Variants in AKAP13 observed in about 807,000 individuals in gnomAD.
AKAP13 encodes the protein A-kinase anchoring protein 13, also known as A-kinase anchor protein 13.
Under a neutral mutation model 264.5 loss-of-function variants are expected in AKAP13, and 80 were observed. The ratio of observed to expected loss-of-function variants is 0.30; its 90% CI spans 0.25 to 0.36. The LOEUF (loss-of-function observed/expected upper bound fraction) is 0.36, where lower values mean the gene tolerates loss of function less well. Ranked by LOEUF, AKAP13 falls within the 10% of genes least tolerant of loss-of-function variation. AKAP13 has a pLI of 1.00. For missense variants in AKAP13, 3,712 were observed against 3,435.2 expected (o/e 1.08, Z -2.01); for synonymous variants, 1,380 against 1,250.2 (o/e 1.10, Z -2.19).
At chr15:85,723,590 C>T (rs780412892) in intron 26 of AKAP13, among the ~76,000 whole-genome samples, 1 of 152,034 alleles carries the variant, frequency 6.6e-6, no homozygotes, top group African/African-American at 2.4e-5. Context: ...CAAAGCAAAG[C>T]GTAAGATTGG....
At chr15:85,446,491 C>A (rs936069923) in intron 1 of AKAP13, among the ~76,000 whole-genome samples, 1 of 152,136 alleles carries the variant, frequency 6.6e-6, no homozygotes, top group Non-Finnish European at 1.5e-5. Flanking sequence ...ACTAGGATGT[C>A]TAGCAGGCAC....
intron 10 of AKAP13, among the ~76,000 whole-genome samples, chr15:85,649,667 C>T (rs2082716328): frequency 6.6e-6 from 1 of 152,138 alleles, no homozygotes; most frequent in East Asian, 1.9e-4. Context: ...ATTCAGTATG[C>T]CTCCTGGTAA....
chr15:85,642,232 A>T (rs975580768), intron 9 of AKAP13, among the ~76,000 whole-genome samples: 1 of 152,238 alleles, frequency 6.6e-6, no homozygotes, highest in Non-Finnish European at 1.5e-5. Flanking sequence ...TATTCCTGTC[A>T]CTATGACTCC....
At chr15:85,644,248 TGGAAATGAAGTTGCTCTCTGTCACCTA>T in intron 9 of AKAP13, among the ~76,000 whole-genome samples, 1 of 138,760 alleles carries the variant, frequency 7.2e-6, no homozygotes. Flanking sequence ...TTTTTTTTTT[TGGAAATGAAGTTGCTCTCTGTCACCTA>T]GGCTGGAGTG....
At chr15:85,656,623 T>C (rs2083108419) in intron 11 of AKAP13, among the ~76,000 whole-genome samples, 1 of 152,144 alleles carries the variant, frequency 6.6e-6, no homozygotes, top group South Asian at 2.1e-4. Context: ...ATTTTTTTTG[T>C]ATTTTTAGTA....
chr15:85,478,078 C>T (rs947696905), intron 1 of AKAP13, among the ~76,000 whole-genome samples: 2 of 152,170 alleles, frequency 1.3e-5, no homozygotes, highest in Non-Finnish European at 2.9e-5. Context: ...TTTATTGCTC[C>T]TTCCTGATCC....
rs1010895974 is a variant in AKAP13, at chr15:85,665,703, G to T, written c.4992+948G>T. On this transcript the variant is annotated intron_variant, in intron 13 of 36. Coordinates refer to ENST00000394518, the MANE Select transcript of AKAP13 (RefSeq NM_007200.5). ...AGCCCCCTACCACACAACAGGCCCC[G>T]GTGTGTGATGTTCCCCGCCCCGTGT... Among the ~76,000 whole-genome samples, 4 of 151,952 alleles carry T rather than the reference G, an allele frequency of 2.6e-5. No individual in the cohort carries two copies. The East Asian group carries it at 5.8e-4, about 22-fold the overall frequency.
intron 33 of AKAP13, 76 bp from the exon 34 acceptor site, chr15:85,740,145 CA>C (rs1228273142): frequency 1.4e-6 from 2 of 1,438,720 alleles, no homozygotes; most frequent in Non-Finnish European, 9.8e-7. Context: ...GCCATCTTAT[CA>C]GGTAAACATT....
At chr15:85,721,922 A>G (rs2087315099) in intron 23 of AKAP13, 69 bp from the exon 24 acceptor site, 2 of 1,591,346 alleles carry the variant, frequency 1.3e-6, no homozygotes, top group Non-Finnish European at 8.6e-7. Context: ...CTAGACTGGA[A>G]ACATTTTACA....
intron 1 of AKAP13, among the ~76,000 whole-genome samples, chr15:85,480,146 A>C (rs1318680805): frequency 6.6e-6 from 1 of 152,240 alleles, no homozygotes; most frequent in African/African-American, 2.4e-5. Flanking sequence ...CTCCAGAGAT[A>C]TGTACACTTA....
intron 17 of AKAP13, among the ~76,000 whole-genome samples, chr15:85,699,556 T>C (rs979109937): frequency 1.3e-5 from 2 of 152,212 alleles, no homozygotes; most frequent in African/African-American, 4.8e-5. Flanking sequence ...GACTCTTTAT[T>C]TTATTCTTTT....
chr15:85,687,102 A>AG (rs890389640), intron 16 of AKAP13, among the ~76,000 whole-genome samples: 5 of 152,152 alleles, frequency 3.3e-5, no homozygotes, highest in African/African-American at 1.2e-4. Flanking sequence ...AGGAAAAAAA[A>AG]CAACGTAAGA....
intron 5 of AKAP13, among the ~76,000 whole-genome samples, chr15:85,560,128 TAAAAAAAAAAAAAA>T (rs55715424): frequency 2.6e-4 from 14 of 54,582 alleles, no homozygotes; most frequent in African/African-American, 4.6e-4. Flanking sequence ...TGTCTCCACC[TAAAAAAAAAAAAAA>T]AAAAAAAAAA....
In AKAP13 at chr15:85,747,292, G is replaced by A. The variant is rs1181985970; in HGVS notation, c.*2615G>A. The A allele has an allele frequency of 6.6e-6, 1 of 152,360 alleles. No individual in the cohort carries two copies. Among genetic ancestry groups the A allele is most frequent in the Non-Finnish European group, 1.5e-5 (1 of 68,116 alleles). The allele number at this position is 152,360 out of a possible 1,614,324, so 9.4% of individuals were successfully genotyped here. ...TTGTTCCTGTCCTGGGGATTTACCT[G>A]GGATGGTGGCTGCCTGTGCTTTTGC... On this transcript the variant is annotated 3_prime_UTR_variant, in exon 37 of 37. Coordinates refer to ENST00000394518, the MANE Select transcript of AKAP13 (RefSeq NM_007200.5).
chr15:85,518,132 C>G (rs2076676558), intron 2 of AKAP13, among the ~76,000 whole-genome samples: 1 of 152,312 alleles, frequency 6.6e-6, no homozygotes, highest in East Asian at 1.9e-4. Context: ...TTCCCAGGCA[C>G]AGCAGAATAA....
chr15:85,710,325 T>C, intron 18 of AKAP13: 1 of 364,512 alleles, frequency 2.7e-6, no homozygotes, highest in East Asian at 4.7e-5. Context: ...TAAATCGTCT[T>C]AAAGGGGAAG....
At chr15:85,589,055 T>C (rs936029906) in intron 8 of AKAP13, among the ~76,000 whole-genome samples, 2 of 152,226 alleles carry the variant, frequency 1.3e-5, no homozygotes, top group African/African-American at 4.8e-5. Context: ...ACAGCATTCT[T>C]ATAATGATGT....
chr15:85,742,132 G>A (rs2089062093), intron 35 of AKAP13, among the ~76,000 whole-genome samples: 2 of 152,230 alleles, frequency 1.3e-5, no homozygotes, highest in African/African-American at 4.8e-5. Context: ...TCTCTAAGAG[G>A]CTGAAAAAGA....
At chr15:85,428,080 CCA>C (rs2072875779) in intron 1 of AKAP13, among the ~76,000 whole-genome samples, 1 of 152,160 alleles carries the variant, frequency 6.6e-6, no homozygotes. Flanking sequence ...TTCTTCCTGG[CCA>C]CATGAACAAG....
Sources: gnomAD v4.1 joint callset for allele counts (sites outside exome capture counted in the v4.1 genomes callset) on GRCh38, gnomAD v4.1.1 for gene constraint, MANE v1.5 for transcripts, NCBI Gene and HGNC (gene_info 2026-07-23, HGNC 2026-07-21) for gene names.